SWAP70: variants seen among roughly 807,000 people sequenced by gnomAD.
The protein encoded by SWAP70 is switch-associated protein 70.
SWAP70 carries 34 observed loss-of-function variants against 80.2 expected under a neutral mutation model. The ratio of observed to expected loss-of-function variants is 0.42; its 90% CI spans 0.32 to 0.56. The LOEUF (loss-of-function observed/expected upper bound fraction) is 0.56. SWAP70 is among the 20% of genes least tolerant of loss of function. The pLI, the probability that SWAP70 is intolerant of heterozygous loss-of-function variation, is 0.09. For synonymous variants in SWAP70, 239 were observed against 238.5 expected (o/e 1.00, Z -0.02); for missense variants, 578 against 690.7 (o/e 0.84, Z 1.83).
intron 1 of SWAP70, chr11:9,680,902 A>C (rs1834623419): frequency 6.6e-6 from 1 of 152,460 alleles, no homozygotes; most frequent in Non-Finnish European, 1.5e-5. Context: ...ATAGTACTTC[A>C]GCTGTTTCTT....
chr11:9,721,004 T>G (rs1348355506), intron 3 of SWAP70, among the ~76,000 whole-genome samples: 1 of 152,108 alleles, frequency 6.6e-6, no homozygotes, highest in East Asian at 1.9e-4. Flanking sequence ...TTAGTAGAGA[T>G]GGAGTTTTGC....
At chr11:9,739,895 A>G (rs1187688169) in intron 8 of SWAP70, among the ~76,000 whole-genome samples, 1 of 152,212 alleles carries the variant, frequency 6.6e-6, no homozygotes, top group Non-Finnish European at 1.5e-5. Context: ...ACAAGGAAAC[A>G]TTTTTTTCTT....
At chr11:9,724,996 C>A (rs758650835) in intron 4 of SWAP70, 111 bp downstream of exon 4, 2 of 825,706 alleles carry the variant, frequency 2.4e-6, no homozygotes, top group Non-Finnish European at 3.7e-6. Flanking sequence ...ACACTGATTT[C>A]GTTTTTTTAT....
intron 2 of SWAP70, among the ~76,000 whole-genome samples, chr11:9,702,205 C>A (rs953302989): frequency 6.6e-6 from 1 of 151,932 alleles, no homozygotes; most frequent in African/African-American, 2.4e-5. Context: ...AAAGTGTAGT[C>A]TCAAGTTTCT....
chr11:9,686,353 T>TTATTTATTTATG (rs1202731386), intron 1 of SWAP70, among the ~76,000 whole-genome samples: 2 of 150,196 alleles, frequency 1.3e-5, no homozygotes, highest in African/African-American at 4.9e-5. Flanking sequence ...TCTTATTTAT[T>TTATTTATTTATG]TATTTATTTA....
chr11:9,748,153 A>G, intron 10 of SWAP70, 97 bp downstream of exon 10: 1 of 1,279,864 alleles, frequency 7.8e-7, no homozygotes, highest in Non-Finnish European at 1.1e-6. Context: ...ATGAAGCTGT[A>G]GTAAGAATCT....
chr11:9,738,138 A>G (rs113502647), intron 7 of SWAP70, 75 bp from the exon 8 acceptor site: 11 of 1,000,780 alleles, frequency 1.1e-5, no homozygotes, highest in African/African-American at 8.2e-5. Context: ...GTACTTAAGT[A>G]TGACTGTCTC....
chr11:9,734,741 A>G (rs183316061), intron 7 of SWAP70, among the ~76,000 whole-genome samples: 6 of 152,226 alleles, frequency 3.9e-5, no homozygotes, highest in Non-Finnish European at 7.4e-5. Context: ...TCTTGCCTCA[A>G]TATCTCAAGT....
rs34803928 is a variant in SWAP70 at position 9,714,970 on chromosome 11, C to CTTTTTTT, written c.414+1345_414+1351dup. On this transcript the variant is annotated intron_variant, in intron 3 of 11. Coordinates refer to ENST00000318950, the MANE Select transcript of SWAP70 (RefSeq NM_015055.4). Reference sequence around the variant, plus strand: ...TACAGGTGCCTGCCACCACACCTGCCTTTTTTTTTTTTTTTTTTTTAAGAA... The same window carrying CTTTTTTT: ...TACAGGTGCCTGCCACCACACCTGCCTTTTTTTTTTTTTTTTTTTTTTTTTTTAAGAA... Among the ~76,000 whole-genome samples the CTTTTTTT allele has an allele frequency of 2.0e-4, 22 of 110,006 alleles. 1 individual carries two copies. Among genetic ancestry groups the CTTTTTTT allele is most frequent in the South Asian group, 5.9e-4 (2 of 3,388 alleles). 72.2% of individuals were successfully genotyped at this position (110,006 alleles called of 152,430 possible).
chr11:9,727,013 C>G, intron 4 of SWAP70: 1 of 454,814 alleles, frequency 2.2e-6, no homozygotes, highest in Non-Finnish European at 4.4e-6. Flanking sequence ...ATATATGTGG[C>G]CAAGCTTTAG....
In SWAP70 at chr11:9,749,991, G is replaced by A. The variant is rs779072739; in HGVS notation, c.*21G>A. 12 of 1,499,742 alleles carry A rather than the reference G, an allele frequency of 8.0e-6. No homozygotes were observed. The highest frequency in any genetic ancestry group is 5.0e-5 in the Admixed American group (3 of 59,720). 92.9% of individuals were successfully genotyped at this position (1,499,742 alleles called of 1,614,324 possible). A position where few individuals can be genotyped will look rare whatever the true frequency, so the allele number is the denominator to read the frequency against. The stretch of plus-strand genomic sequence containing the variant: ...AGTGACTGAGCTTGCTGGCAGTCAC[G>A]TCAGTTATGTAGATACTGCATGGCA... On this transcript the variant is annotated 3_prime_UTR_variant, in exon 12 of 12. Coordinates refer to ENST00000318950, the MANE Select transcript of SWAP70 (RefSeq NM_015055.4).
At chr11:9,685,960 ATTGGAGATTAAGT>A (rs1452799784) in intron 1 of SWAP70, among the ~76,000 whole-genome samples, 1 of 152,196 alleles carries the variant, frequency 6.6e-6, no homozygotes, top group African/African-American at 2.4e-5. Flanking sequence ...ATACTGACAC[ATTGGAGATTAAGT>A]TTCAACATAT....
intron 9 of SWAP70, among the ~76,000 whole-genome samples, chr11:9,745,036 G>A (rs1474417250): frequency 1.3e-5 from 2 of 152,128 alleles, no homozygotes; most frequent in Admixed American, 6.5e-5. Flanking sequence ...CCAGCAACTC[G>A]TACCTGGCAC....
intron 1 of SWAP70, among the ~76,000 whole-genome samples, chr11:9,682,197 T>A (rs890191127): frequency 6.6e-6 from 1 of 152,206 alleles, no homozygotes; most frequent in Non-Finnish European, 1.5e-5. Flanking sequence ...GGAGCCCTTG[T>A]TTCCCCAGCC....
intron 2 of SWAP70, among the ~76,000 whole-genome samples, chr11:9,699,816 A>T (rs1221819983): frequency 6.6e-6 from 1 of 151,490 alleles, no homozygotes; most frequent in Non-Finnish European, 1.5e-5. Flanking sequence ...TGATTGTGCC[A>T]CTGCACTGTG....
chr11:9,735,764 T>G (rs1851355579), intron 7 of SWAP70, among the ~76,000 whole-genome samples: 1 of 152,350 alleles, frequency 6.6e-6, no homozygotes, highest in Non-Finnish European at 1.5e-5. Context: ...AGTTCCCTTG[T>G]GTGTGGTAAA....
intron 1 of SWAP70, among the ~76,000 whole-genome samples, chr11:9,679,464 A>G (rs1316937137): frequency 6.6e-6 from 1 of 152,070 alleles, no homozygotes; most frequent in Non-Finnish European, 1.5e-5. Flanking sequence ...TGTTTTCCTG[A>G]AATTTAGCCT....
chr11:9,694,197 G>T lies in SWAP70; in HGVS notation c.151G>T (p.Ala51Ser), dbSNP rs1217385317. The T allele has an allele frequency of 2.7e-5, 43 of 1,613,000 alleles. No individual in the cohort carries two copies. Among genetic ancestry groups the T allele is most frequent in the Non-Finnish European group, 3.6e-5 (43 of 1,179,614 alleles). The change falls in exon 2 of 12, where the codon GCC becomes TCC. Residue 51 changes from alanine (A) to serine (S), a missense_variant. Physicochemically the swap from Ala to Ser is moderately conservative, Grantham distance 99. Transcript: ENST00000318950. ...TVLKVPHDPV[A>S]LEEHFRDDDE... Reference sequence around the variant, plus strand: ...GCTGAAGGTTCCTCATGACCCAGTTGCCCTTGAAGAGCACTTCAGGGATGA... The same window carrying T: ...GCTGAAGGTTCCTCATGACCCAGTTTCCCTTGAAGAGCACTTCAGGGATGA...
chr11:9,676,808 C>G (rs1850507038), intron 1 of SWAP70, among the ~76,000 whole-genome samples: 1 of 151,946 alleles, frequency 6.6e-6, no homozygotes, highest in African/African-American at 2.4e-5. Flanking sequence ...CGCCACCACG[C>G]CCGGCTAATT....
Sources: gnomAD v4.1 joint callset for allele counts (sites outside exome capture counted in the v4.1 genomes callset) on GRCh38, gnomAD v4.1.1 for gene constraint, MANE v1.5 for transcripts, NCBI Gene and HGNC (gene_info 2026-07-23, HGNC 2026-07-21) for gene names.